IRS1: variants seen among roughly 807,000 people sequenced by gnomAD.
IRS1 encodes insulin receptor substrate 1.
IRS1 carries 34 observed loss-of-function variants against 65.6 expected under a neutral mutation model. The ratio of observed to expected loss-of-function variants is 0.52; its 90% CI spans 0.39 to 0.69. IRS1 has a LOEUF of 0.69. Ranked by LOEUF, IRS1 falls within the 30% of genes least tolerant of loss-of-function variation. The probability of loss-of-function intolerance (pLI) is 0.00; values close to 1 mark genes in which losing one functional copy is unlikely to be tolerated. For synonymous variants in IRS1, 699 were observed against 683.5 expected (o/e 1.02, Z -0.35); for missense variants, 1,641 against 1,720.2 (o/e 0.95, Z 0.81).
At chr2:226,757,488 T>G (rs1938828178) in intron 1 of IRS1, among the ~76,000 whole-genome samples, 1 of 151,790 alleles carries the variant, frequency 6.6e-6, no homozygotes, top group Non-Finnish European at 1.5e-5. Context: ...TGGTGGGGTG[T>G]GCCTGTAGTC....
Position 226,796,214 on chromosome 2 carries a change from G to A in IRS1, c.2525C>T (p.Pro842Leu). 7 of 1,613,354 alleles carry A rather than the reference G, an allele frequency of 4.3e-6. No homozygotes were observed. The highest frequency in any genetic ancestry group is 5.9e-6 in the Non-Finnish European group (7 of 1,179,760). Reference sequence around the variant, plus strand: ...CTGAGCAGCTGTGTCCACCTTTCGAGGCAGATGGGGCTGCAGAACCTGATG... The same window carrying A: ...CTGAGCAGCTGTGTCCACCTTTCGAAGCAGATGGGGCTGCAGAACCTGATG... ...PHHQVLQPHL[P>L]RKVDTAAQTN... is the part of the protein sequence containing the mutation. Residue 842 changes from proline to leucine, a missense_variant, in exon 1 of 2, where the codon CCT (proline) becomes CTT (leucine). This residue lies in a region of IRS1 where 1,324 missense variants were observed against 1,361.0 expected (regional missense o/e 0.97). Transcript: ENST00000305123.
At chr2:226,738,563 C>T (rs183619168) in intron 1 of IRS1, among the ~76,000 whole-genome samples, 1 of 152,290 alleles carries the variant, frequency 6.6e-6, no homozygotes, top group East Asian at 1.9e-4. Context: ...TCCAAGTTTG[C>T]CCCTTTAATT....
At position 226,796,083 on chromosome 2, in the gene IRS1, G is replaced by A. The variant is rs750069378; in HGVS notation, c.2656C>T (p.His886Tyr). The A allele has an allele frequency of 1.9e-6, 3 of 1,613,800 alleles. No individual in the cohort carries two copies. Among genetic ancestry groups the A allele is most frequent in the Non-Finnish European group, 2.5e-6 (3 of 1,180,050 alleles). Residue 886 changes from histidine to tyrosine, a missense_variant, in exon 1 of 2, where the codon CAC becomes TAC. His to Tyr is a moderately conservative substitution (Grantham distance 83). This residue lies in a region of IRS1 where 1,324 missense variants were observed against 1,361.0 expected (regional missense o/e 0.97). Transcript: ENST00000305123. Reference protein sequence around the residue: ...EQQQQQQPLLHPPEPKSPGEY... With the variant: ...EQQQQQQPLLYPPEPKSPGEY... Reference sequence around the variant, plus strand: ...CCCGGGCTCTTGGGCTCTGGAGGGTGCAGCAAGGGCTGCTGCTGCTGCTGC... The same window carrying A: ...CCCGGGCTCTTGGGCTCTGGAGGGTACAGCAAGGGCTGCTGCTGCTGCTGC...
intron 1 of IRS1, among the ~76,000 whole-genome samples, chr2:226,744,495 A>G (rs1257960645): frequency 6.6e-6 from 1 of 152,330 alleles, no homozygotes; most frequent in Non-Finnish European, 1.5e-5. Context: ...GGGGTCCTCA[A>G]TTCCCAGGCT....
intron 1 of IRS1, among the ~76,000 whole-genome samples, chr2:226,786,246 TG>T (rs1939485231): frequency 6.6e-6 from 1 of 151,992 alleles, no homozygotes; most frequent in East Asian, 1.9e-4. Context: ...TATAGTCCTT[TG>T]GGTATATACC....
chr2:226,775,684 G>A (rs925377041), intron 1 of IRS1, among the ~76,000 whole-genome samples: 2 of 152,142 alleles, frequency 1.3e-5, no homozygotes, highest in Non-Finnish European at 2.9e-5. Flanking sequence ...TTGTCCATCA[G>A]GTATCTGTGG....
chr2:226,795,059 CT>C lies in IRS1; in HGVS notation c.3679del (p.Ser1227AlafsTer28). ...CTGGAAACTGATGCTGGCATAGGCG[CT>C]TAAATCCTCACTTGAGCGGCGGGTG... ...SSTRRSSEDL[S>X]AYASISFQKQ... On this transcript the variant is annotated frameshift_variant, in exon 1 of 2. Coordinates refer to ENST00000305123, the MANE Select transcript of IRS1 (RefSeq NM_005544.3). LOFTEE classifies it high-confidence loss of function. 1 of 1,597,210 alleles carries C rather than the reference CT, an allele frequency of 6.3e-7. No individual in the cohort carries two copies. Among genetic ancestry groups the C allele is most frequent in the Non-Finnish European group, 8.5e-7 (1 of 1,175,918 alleles).
chr2:226,791,687 C>A (rs1277741465), intron 1 of IRS1, among the ~76,000 whole-genome samples: 2 of 152,048 alleles, frequency 1.3e-5, no homozygotes, highest in Non-Finnish European at 2.9e-5. Flanking sequence ...GCCCCGCGCC[C>A]GCCGCGGCTC....
At chr2:226,752,281 A>G (rs1336828105) in intron 1 of IRS1, among the ~76,000 whole-genome samples, 1 of 152,204 alleles carries the variant, frequency 6.6e-6, no homozygotes, top group Non-Finnish European at 1.5e-5. Flanking sequence ...ATAAAAAGAA[A>G]GGATGGTCTG....
chr2:226,755,115 C>G (rs530361314), intron 1 of IRS1, among the ~76,000 whole-genome samples: 6 of 152,218 alleles, frequency 3.9e-5, no homozygotes, highest in Non-Finnish European at 8.8e-5. Context: ...TTTTATTCAA[C>G]AGCTTTCCTT....
At chr2:226,749,527 A>G (rs1283590069) in intron 1 of IRS1, among the ~76,000 whole-genome samples, 2 of 152,182 alleles carry the variant, frequency 1.3e-5, no homozygotes, top group Non-Finnish European at 2.9e-5. Context: ...TCTCAAACGC[A>G]TAGTTAGAAA....
intron 1 of IRS1, among the ~76,000 whole-genome samples, chr2:226,752,579 G>T (rs1032814325): frequency 6.6e-6 from 1 of 152,138 alleles, no homozygotes; most frequent in African/African-American, 2.4e-5. Context: ...GGAAATGATA[G>T]GAAATGATGA....
At chr2:226,772,742 G>C (rs1412555255) in intron 1 of IRS1, among the ~76,000 whole-genome samples, 1 of 151,778 alleles carries the variant, frequency 6.6e-6, no homozygotes, top group Non-Finnish European at 1.5e-5. Context: ...ATAAATCTTG[G>C]GATCAGGAAA....
rs1035293347 is a variant in IRS1 at position 226,798,794 on chromosome 2, TG to T, written c.-57del. On this transcript the variant is annotated 5_prime_UTR_variant, in exon 1 of 2. Transcript: ENST00000305123. This position sits in a 1 kb window ranked among gnomAD's most constrained non-coding sequence, Gnocchi z 9.4. ...AGGGAGGCTCCGAAAAACAACCGGG[TG>T]GGGGGCGGAGGCTCCTCGCCGCGGC... 4.7e-5 allele frequency: 73 copies of T among 1,569,324 alleles called. No individual in the cohort carries two copies. The highest frequency in any genetic ancestry group is 4.6e-5 in the South Asian group (4 of 87,350).
intron 1 of IRS1, among the ~76,000 whole-genome samples, chr2:226,769,599 C>A (rs1939125426): frequency 6.6e-6 from 1 of 152,198 alleles, no homozygotes; most frequent in Non-Finnish European, 1.5e-5. Context: ...AGAAACTTAA[C>A]TTTCACTTGA....
intron 1 of IRS1, among the ~76,000 whole-genome samples, chr2:226,738,222 G>A (rs753963312): frequency 1.3e-5 from 2 of 152,186 alleles, no homozygotes; most frequent in Non-Finnish European, 2.9e-5. Flanking sequence ...AGTGTGGACC[G>A]ATATATTAGG....
intron 1 of IRS1, among the ~76,000 whole-genome samples, chr2:226,766,121 T>TCA (rs1553531211): frequency 7.0e-5 from 1 of 14,244 alleles, no homozygotes; most frequent in Non-Finnish European, 1.3e-4. Context: ...TCTCTTAATC[T>TCA]TATATATATA....
At position 226,795,824 on chromosome 2, in the gene IRS1, G is replaced by T. The variant is rs1196677400; in HGVS notation, c.2915C>A (p.Ala972Asp). ...CCGGGTAGGCCTGCAAATGCTAGCAGCCCCGGGAGGTGCAGGGCCCAGTCT... is the reference window on the plus strand; with the variant it reads ...CCGGGTAGGCCTGCAAATGCTAGCATCCCCGGGAGGTGCAGGGCCCAGTCT... Reference protein sequence around the residue: ...MGRLGPAPPGAASICRPTRAV... With the variant: ...MGRLGPAPPGDASICRPTRAV... Residue 972 changes from alanine to aspartate, a missense_variant, in exon 1 of 2, where the codon GCT (alanine) becomes GAT (aspartate). Ala to Asp is a moderately radical substitution (Grantham distance 126). Around this residue, in one of 3 missense-constraint regions of IRS1, gnomAD observed 1,324 missense variants for 1,361.0 expected, o/e 0.97. Transcript: ENST00000305123. 1 of 1,613,042 alleles carries T rather than the reference G, an allele frequency of 6.2e-7. No homozygotes were observed. The highest frequency in any genetic ancestry group is 8.5e-7 in the Non-Finnish European group (1 of 1,179,778).
At chr2:226,737,192 G>C (rs1280538426) in intron 1 of IRS1, among the ~76,000 whole-genome samples, 2 of 148,518 alleles carry the variant, frequency 1.3e-5, no homozygotes, top group African/African-American at 5.0e-5. Context: ...AATATGCGCT[G>C]TTTGGTTTTT....
Sources: gnomAD v4.1 joint callset for allele counts (sites outside exome capture counted in the v4.1 genomes callset) on GRCh38, gnomAD v4.1.1 for gene constraint, gnomAD v4.1.1 regional missense constraint, Gnocchi (gnomAD v3.1) non-coding constraint, MANE v1.5 for transcripts, NCBI Gene and HGNC (gene_info 2026-07-23, HGNC 2026-07-21) for gene names.